C10orf90: variants seen among roughly 807,000 people sequenced by gnomAD.
C10orf90 encodes (E2-independent) E3 ubiquitin-conjugating enzyme FATS.
In C10orf90, 56 loss-of-function variants were observed where a neutral mutation model predicts 62.5. That is an observed-to-expected ratio of 0.90 (90% CI 0.72 to 1.12). The LOEUF (loss-of-function observed/expected upper bound fraction) is 1.12. Ranked by LOEUF, C10orf90 falls within the 50% of genes most tolerant of loss-of-function variation. The pLI is 0.00. For missense variants in C10orf90, 970 were observed against 880.4 expected, an observed-to-expected ratio of 1.10 and a Z score of -1.29; for synonymous variants, 386 against 340.4, an observed-to-expected ratio of 1.13 and a Z score of -1.47.
chr10:126,562,185 G>A (rs1303828909), intron 2 of C10orf90, among the ~76,000 whole-genome samples: 1 of 152,178 alleles, frequency 6.6e-6, no homozygotes, highest in Non-Finnish European at 1.5e-5. Context: ...CCCTAATGGA[G>A]GGAGAATGCG....
intron 2 of C10orf90, among the ~76,000 whole-genome samples, chr10:126,567,895 G>C (rs1391101648): frequency 6.6e-6 from 1 of 152,108 alleles, no homozygotes; most frequent in Non-Finnish European, 1.5e-5. Context: ...TGTAAGATGC[G>C]GCAGGTTTGT....
chr10:126,464,498 C>T (rs75923863), intron 5 of C10orf90, among the ~76,000 whole-genome samples, 198 bp downstream of exon 5: 2,095 of 152,240 alleles, frequency 0.014, 51 homozygotes, highest in African/African-American at 0.048. Context: ...AAATCCCCGA[C>T]CCACATAGGG....
At chr10:126,574,397 A>T (rs1014397218) in intron 2 of C10orf90, among the ~76,000 whole-genome samples, 1 of 140,894 alleles carries the variant, frequency 7.1e-6, no homozygotes, top group South Asian at 2.1e-4. Context: ...TTCCTTAAAC[A>T]TGAAAATATG....
intron 2 of C10orf90, among the ~76,000 whole-genome samples, chr10:126,601,495 C>T (rs1176067677): frequency 4.6e-5 from 7 of 152,148 alleles, no homozygotes; most frequent in African/African-American, 9.7e-5. Context: ...GACACAGGGA[C>T]TGTGCTTTAC....
At chr10:126,586,371 T>C (rs561984407) in intron 2 of C10orf90, among the ~76,000 whole-genome samples, 1 of 152,272 alleles carries the variant, frequency 6.6e-6, no homozygotes, top group East Asian at 1.9e-4. Context: ...AAAAGAGCGT[T>C]TGCAACGCCA....
At chr10:126,465,827 T>C (rs1460417966) in intron 4 of C10orf90, among the ~76,000 whole-genome samples, 2 of 152,194 alleles carry the variant, frequency 1.3e-5, no homozygotes, top group African/African-American at 2.4e-5. Context: ...TGCTCTTGTG[T>C]GGATGTGGGT....
At position 126,645,607 on chromosome 10, in the gene C10orf90, AG is replaced by A. The variant is rs1393869494; in HGVS notation, c.313+957del. ...CCTGCCTAAAAAAAAAAAAAAAAAAAGAACAAGCTGTAAACCATGCTTCGGG... is the reference window on the plus strand; with the variant it reads ...CCTGCCTAAAAAAAAAAAAAAAAAAAAACAAGCTGTAAACCATGCTTCGGG... On this transcript the variant is annotated intron_variant, in intron 2 of 9. Coordinates refer to ENST00000488181, the MANE Select transcript of C10orf90 (RefSeq NM_001350921.2). Among the ~76,000 whole-genome samples, 9 of 151,248 alleles carry A rather than the reference AG, an allele frequency of 6.0e-5. No individual in the cohort carries two copies. The East Asian group carries it at 1.2e-3, about 20-fold the overall frequency.
chr10:126,462,130 G>T (rs2133728902), intron 5 of C10orf90, among the ~76,000 whole-genome samples: 1 of 152,268 alleles, frequency 6.6e-6, no homozygotes, highest in South Asian at 2.1e-4. Flanking sequence ...TTGTGGAAAA[G>T]GTCAGGAAAT....
At chr10:126,438,149 C>T (rs1343792665) in intron 7 of C10orf90, among the ~76,000 whole-genome samples, 2 of 152,150 alleles carry the variant, frequency 1.3e-5, no homozygotes, top group Non-Finnish European at 2.9e-5. Flanking sequence ...AGGCAAGCTT[C>T]CTGTGAGGCA....
At chr10:126,517,391 A>G (rs1351431562) in intron 2 of C10orf90, among the ~76,000 whole-genome samples, 1 of 152,220 alleles carries the variant, frequency 6.6e-6, no homozygotes, top group Non-Finnish European at 1.5e-5. Context: ...GGCCCTGAAC[A>G]CAGCAGCATA....
chr10:126,576,998 A>G (rs1844640591), intron 2 of C10orf90, among the ~76,000 whole-genome samples: 1 of 151,642 alleles, frequency 6.6e-6, no homozygotes, highest in South Asian at 2.1e-4. Flanking sequence ...GAGGCTGAGA[A>G]GGGTAGGGGG....
chr10:126,441,119 A>T (rs2134023491), intron 7 of C10orf90, among the ~76,000 whole-genome samples: 1 of 152,316 alleles, frequency 6.6e-6, no homozygotes, highest in South Asian at 2.1e-4. Context: ...AGCCCAGTGC[A>T]AGGAAACCCA....
intron 7 of C10orf90, among the ~76,000 whole-genome samples, chr10:126,445,025 G>A (rs1411652799): frequency 6.6e-6 from 1 of 152,140 alleles, no homozygotes; most frequent in Non-Finnish European, 1.5e-5. Context: ...ACTCAAGATG[G>A]ATTAAGGACT....
At chr10:126,622,216 T>G (rs1845658268) in intron 2 of C10orf90, among the ~76,000 whole-genome samples, 1 of 152,222 alleles carries the variant, frequency 6.6e-6, no homozygotes, top group Non-Finnish European at 1.5e-5. Flanking sequence ...AAAGGTTTAT[T>G]GTGGAGTGAA....
intron 2 of C10orf90, among the ~76,000 whole-genome samples, chr10:126,516,671 CTGAGCA>C (rs1443664661): frequency 6.6e-6 from 1 of 152,198 alleles, no homozygotes; most frequent in Admixed American, 6.5e-5. Context: ...TACACAAAGG[CTGAGCA>C]TGAGCTGCCT....
chr10:126,575,885 C>T lies in C10orf90; in HGVS notation c.314-61946G>A, dbSNP rs538292805. 2.0e-5 allele frequency among the ~76,000 whole-genome samples: 3 copies of T among 152,160 alleles called. No individual in the cohort carries two copies. In the South Asian group the frequency reaches 6.2e-4, roughly 32 times the overall value. On this transcript the variant is annotated intron_variant, in intron 2 of 9. Coordinates refer to ENST00000488181, the MANE Select transcript of C10orf90 (RefSeq NM_001350921.2). ...AGTCACTATAGGCAGAAGAATGAAA[C>T]TACGTTCCAACCTCTCACCTTGTAA...
In C10orf90 at chr10:126,523,010, GGAACGCTCCC is replaced by G. The variant is rs1306918661; in HGVS notation, c.314-9081_314-9072del. ...CATGGGCTCAGCACAGTGCTATCAT[GGAACGCTCCC>G]TCAAAAAACAGTGTGTTATTAGATA... On this transcript the variant is annotated intron_variant, in intron 2 of 9. Transcript: ENST00000488181. The G allele has an allele frequency of 2.6e-5, 4 of 152,184 alleles. No homozygotes were observed. In the East Asian group the frequency reaches 5.8e-4, roughly 22 times the overall value. The allele number at this position is 152,184 out of a possible 1,614,324, so 9.4% of individuals were successfully genotyped here.
chr10:126,625,941 C>A (rs1845733199), intron 2 of C10orf90, among the ~76,000 whole-genome samples: 1 of 151,886 alleles, frequency 6.6e-6, no homozygotes, highest in South Asian at 2.1e-4. Flanking sequence ...ATGGTGAAAC[C>A]CGATCTCTAC....
At chr10:126,662,698 T>C (rs1217516236) in intron 1 of C10orf90, among the ~76,000 whole-genome samples, 1 of 152,220 alleles carries the variant, frequency 6.6e-6, no homozygotes, top group Non-Finnish European at 1.5e-5. Flanking sequence ...CCATAAAGAA[T>C]GTGCCCAGAG....
Sources: gnomAD v4.1 joint callset for allele counts (sites outside exome capture counted in the v4.1 genomes callset) on GRCh38, gnomAD v4.1.1 for gene constraint, MANE v1.5 for transcripts, NCBI Gene and HGNC (gene_info 2026-07-23, HGNC 2026-07-21) for gene names.